AUTS2: variants seen among roughly 807,000 people sequenced by gnomAD.
The protein encoded by AUTS2 is autism susceptibility gene 2 protein.
AUTS2 carries 17 observed loss-of-function variants against 112.4 expected under a neutral mutation model. That is an observed-to-expected ratio of 0.15 (90% CI 0.10 to 0.23). The LOEUF (loss-of-function observed/expected upper bound fraction) is 0.23, where lower values mean the gene tolerates loss of function less well. Ranked by LOEUF, AUTS2 falls within the 10% of genes least tolerant of loss-of-function variation. The probability of loss-of-function intolerance (pLI) is 1.00; values close to 1 mark genes in which losing one functional copy is unlikely to be tolerated. For missense variants in AUTS2, 1,510 were observed against 1,701.6 expected (o/e 0.89, Z 1.98); for synonymous variants, 751 against 702.7 (o/e 1.07, Z -1.09).
chr7:70,702,479 C>T (rs542442350), intron 6 of AUTS2, among the ~76,000 whole-genome samples: 1 of 152,304 alleles, frequency 6.6e-6, no homozygotes, highest in African/African-American at 2.4e-5. Flanking sequence ...CTTTCTCACC[C>T]CTTCTCTTTC....
intron 2 of AUTS2, among the ~76,000 whole-genome samples, chr7:70,051,164 G>A (rs780840212): frequency 2.6e-5 from 4 of 152,140 alleles, no homozygotes; most frequent in Non-Finnish European, 1.5e-5. Context: ...TCATTTTTCA[G>A]ACTACTTTGC....
At chr7:70,395,754 G>A (rs543158831) in intron 4 of AUTS2, among the ~76,000 whole-genome samples, 4 of 152,274 alleles carry the variant, frequency 2.6e-5, no homozygotes, top group East Asian at 3.9e-4. Flanking sequence ...AGGAGCCTAC[G>A]AGAGTCAGAA....
At chr7:70,295,750 A>G (rs1400655279) in intron 4 of AUTS2, among the ~76,000 whole-genome samples, 4 of 152,162 alleles carry the variant, frequency 2.6e-5, no homozygotes, top group African/African-American at 9.7e-5. Context: ...CTCAGGCATT[A>G]ATGGATCTGT....
chr7:69,807,570 T>C (rs1790361724), intron 1 of AUTS2, among the ~76,000 whole-genome samples: 1 of 152,110 alleles, frequency 6.6e-6, no homozygotes, highest in African/African-American at 2.4e-5. Context: ...AAATTCTTAG[T>C]GTAAATTTTT....
chr7:69,898,791 T>C (rs1794854909), intron 1 of AUTS2, among the ~76,000 whole-genome samples: 1 of 152,194 alleles, frequency 6.6e-6, no homozygotes, highest in Non-Finnish European at 1.5e-5. Context: ...TAAGGAAACA[T>C]TTTAATCATA....
intron 4 of AUTS2, among the ~76,000 whole-genome samples, chr7:70,162,450 A>G: frequency 1.3e-5 from 1 of 75,396 alleles, no homozygotes; most frequent in South Asian, 4.8e-4. Context: ...CGTCTCAAAA[A>G]AAAAAAAAAA....
chr7:70,071,655 T>A lies in AUTS2; in HGVS notation c.523-46477T>A, dbSNP rs1039624926. Among the ~76,000 whole-genome samples the A allele has an allele frequency of 9.2e-5, 14 of 152,194 alleles. No homozygotes were observed. The East Asian group carries it at 1.2e-3, about 13-fold the overall frequency. On this transcript the variant is annotated intron_variant, in intron 2 of 18. Transcript: ENST00000342771. ...TGCTGGCAGATTACAACTTTGTAGC[T>A]AGTCATTTTCGATTTATTTGAACCT...
At chr7:69,871,600 C>G (rs1793501172) in intron 1 of AUTS2, among the ~76,000 whole-genome samples, 1 of 152,206 alleles carries the variant, frequency 6.6e-6, no homozygotes, top group Admixed American at 6.5e-5. Flanking sequence ...AATGTGGTCT[C>G]TCTCTCAAAA....
At chr7:70,244,133 A>C (rs1812778400) in intron 4 of AUTS2, among the ~76,000 whole-genome samples, 1 of 152,120 alleles carries the variant, frequency 6.6e-6, no homozygotes, top group Non-Finnish European at 1.5e-5. Context: ...ATAGAATAGA[A>C]AGAAGAAAAA....
intron 5 of AUTS2, among the ~76,000 whole-genome samples, chr7:70,480,226 A>G (rs1263292623): frequency 4.6e-5 from 7 of 152,260 alleles, no homozygotes; most frequent in Non-Finnish European, 7.3e-5. Context: ...GTGTGTGCAC[A>G]TGCACTTAGG....
intron 4 of AUTS2, among the ~76,000 whole-genome samples, chr7:70,260,138 G>A (rs1245612163): frequency 6.6e-6 from 1 of 152,068 alleles, no homozygotes; most frequent in Non-Finnish European, 1.5e-5. Context: ...GGCTGCAGCA[G>A]GCGGATCATG....
At chr7:69,712,925 T>C (rs976754084) in intron 1 of AUTS2, among the ~76,000 whole-genome samples, 1 of 152,194 alleles carries the variant, frequency 6.6e-6, no homozygotes, top group Non-Finnish European at 1.5e-5. Context: ...CTAATAGGCA[T>C]GTAGTAAAAT....
intron 5 of AUTS2, among the ~76,000 whole-genome samples, chr7:70,466,437 GC>G (rs1797169301): frequency 6.6e-6 from 1 of 151,988 alleles, no homozygotes. Flanking sequence ...TCTTTCCTTT[GC>G]CATATATTTA....
intron 2 of AUTS2, among the ~76,000 whole-genome samples, chr7:69,939,434 T>C (rs1796539981): frequency 6.6e-6 from 1 of 152,186 alleles, no homozygotes; most frequent in Non-Finnish European, 1.5e-5. Flanking sequence ...CATTTTTGCC[T>C]GAGTCTCCCC....
intron 4 of AUTS2, among the ~76,000 whole-genome samples, chr7:70,346,363 A>C (rs1791496449): frequency 6.6e-6 from 1 of 152,228 alleles, no homozygotes. Flanking sequence ...GGGATTGGCC[A>C]TGAGAGAAGC....
At chr7:70,160,359 G>A (rs950582949) in intron 4 of AUTS2, among the ~76,000 whole-genome samples, 9 of 152,092 alleles carry the variant, frequency 5.9e-5, no homozygotes, top group South Asian at 2.1e-4. Flanking sequence ...TTCCTCCAAC[G>A]TAAATCTTTC....
At chr7:69,786,603 G>A (rs1456135606) in intron 1 of AUTS2, among the ~76,000 whole-genome samples, 3 of 152,168 alleles carry the variant, frequency 2.0e-5, no homozygotes, top group African/African-American at 7.2e-5. Context: ...TTTAAGAGCT[G>A]TAACACTCAC....
chr7:70,787,826 G>A (rs767738136), intron 18 of AUTS2, among the ~76,000 whole-genome samples: 2 of 152,052 alleles, frequency 1.3e-5, no homozygotes, highest in African/African-American at 2.4e-5. Flanking sequence ...GGTTTTTCTC[G>A]CTCTTTTCCT....
intron 1 of AUTS2, among the ~76,000 whole-genome samples, chr7:69,646,176 G>A (rs1465826528): frequency 1.3e-5 from 2 of 151,940 alleles, no homozygotes; most frequent in Admixed American, 1.3e-4. Flanking sequence ...CAACCTGACT[G>A]CTACCTGCAG....
Sources: gnomAD v4.1 joint callset for allele counts (sites outside exome capture counted in the v4.1 genomes callset) on GRCh38, gnomAD v4.1.1 for gene constraint, MANE v1.5 for transcripts, NCBI Gene and HGNC (gene_info 2026-07-23, HGNC 2026-07-21) for gene names.